The following EYS variants were observed in gnomAD, a reference collection of about 807,000 sequenced individuals.
The protein encoded by EYS is EGF-like photoreceptor maintenance factor, also known as protein eyes shut homolog.
Under a neutral mutation model 282.1 loss-of-function variants are expected in EYS, and 250 were observed. The ratio of observed to expected loss-of-function variants is 0.89; its 90% CI spans 0.80 to 0.98. The LOEUF (loss-of-function observed/expected upper bound fraction) is 0.98, where lower values mean the gene tolerates loss of function less well. Among genes scored for constraint, EYS ranks in the 50% least tolerant of loss-of-function variants. The pLI, the probability that EYS is intolerant of heterozygous loss-of-function variation, is 0.00. For missense variants in EYS, 4,016 were observed against 3,709.0 expected (o/e 1.08, Z -2.15); for synonymous variants, 1,355 against 1,282.9 (o/e 1.06, Z -1.20).
chr6:64,920,612 T>C (rs1198178136), intron 15 of EYS, among the ~76,000 whole-genome samples: 3 of 152,144 alleles, frequency 2.0e-5, no homozygotes. Context: ...TGCTTAAAAA[T>C]GTATGTAAGT....
chr6:64,351,485 A>G (rs1284973485), intron 29 of EYS, among the ~76,000 whole-genome samples: 1 of 151,460 alleles, frequency 6.6e-6, no homozygotes, highest in Non-Finnish European at 1.5e-5. Context: ...TTGTATTTAT[A>G]TCTATCTACA....
chr6:64,928,786 G>T (rs369167411), intron 15 of EYS, among the ~76,000 whole-genome samples: 1 of 151,644 alleles, frequency 6.6e-6, no homozygotes, highest in Non-Finnish European at 1.5e-5. Flanking sequence ...CTGGTATTAT[G>T]GTTCTATGTG....
rs1766384776 is a variant in EYS, at chr6:64,590,884, C to G, written c.4983G>C (p.Leu1661Phe). The G allele has an allele frequency of 1.3e-6, 2 of 1,550,500 alleles. No homozygotes were observed. Among genetic ancestry groups the G allele is most frequent in the Non-Finnish European group, 1.7e-6 (2 of 1,146,608 alleles). ...GGACAATGGATAAACAAGTCTTATCCAAACATAAATTAACATCCAAATTAC... is the reference window on the plus strand; with the variant it reads ...GGACAATGGATAAACAAGTCTTATCGAAACATAAATTAACATCCAAATTAC... ...LSSNLDVNLC[L>F]DKTCLSIVPS... The change falls in exon 26 of 43, where the codon TTG (leucine) becomes TTC (phenylalanine). Residue 1661 changes from leucine (L) to phenylalanine (F), a missense_variant. Coordinates refer to ENST00000503581, the MANE Select transcript of EYS (RefSeq NM_001142800.2).
At chr6:65,464,818 G>T (rs954519666) in intron 5 of EYS, among the ~76,000 whole-genome samples, 1 of 152,120 alleles carries the variant, frequency 6.6e-6, no homozygotes, top group African/African-American at 2.4e-5. Context: ...AAGAACCAAT[G>T]ACTAGGTTGG....
At chr6:64,274,543 C>G (rs972906570) in intron 30 of EYS, among the ~76,000 whole-genome samples, 1 of 129,942 alleles carries the variant, frequency 7.7e-6, no homozygotes, top group Admixed American at 8.7e-5. Flanking sequence ...TTCGAATTTG[C>G]CAAGTATGAT....
At chr6:63,773,794 A>G (rs1373971579) in intron 40 of EYS, among the ~76,000 whole-genome samples, 1 of 152,196 alleles carries the variant, frequency 6.6e-6, no homozygotes, top group African/African-American at 2.4e-5. Flanking sequence ...CAGTCTGAGC[A>G]AAGGATGCTT....
chr6:64,353,869 T>G (rs965032899), intron 29 of EYS, among the ~76,000 whole-genome samples: 1 of 151,584 alleles, frequency 6.6e-6, no homozygotes, highest in Non-Finnish European at 1.5e-5. Flanking sequence ...GTCTAGATTT[T>G]CCAGCCTGAT....
At chr6:64,022,545 G>C (rs1769241016) in intron 33 of EYS, among the ~76,000 whole-genome samples, 1 of 152,154 alleles carries the variant, frequency 6.6e-6, no homozygotes. Context: ...ATCTGTGAAA[G>C]CTGAAAGAAT....
intron 9 of EYS, among the ~76,000 whole-genome samples, chr6:65,347,389 G>T (rs554008671): frequency 2.6e-5 from 4 of 151,336 alleles, no homozygotes; most frequent in East Asian, 3.9e-4. Flanking sequence ...ATATATTCTC[G>T]ATCCTAATCT....
chr6:64,706,819 T>A (rs1361023525), intron 22 of EYS, among the ~76,000 whole-genome samples: 4 of 151,878 alleles, frequency 2.6e-5, no homozygotes, highest in Non-Finnish European at 4.4e-5. Context: ...AAATAATACA[T>A]CTTGGTGGGG....
intron 15 of EYS, among the ~76,000 whole-genome samples, chr6:64,939,666 A>G (rs1769022672): frequency 6.7e-6 from 1 of 149,138 alleles, no homozygotes; most frequent in African/African-American, 2.5e-5. Flanking sequence ...GATGTATTTC[A>G]TACACACACA....
chr6:64,729,554 GA>G (rs1771885531), intron 22 of EYS, among the ~76,000 whole-genome samples: 1 of 152,172 alleles, frequency 6.6e-6, no homozygotes, highest in Non-Finnish European at 1.5e-5. Context: ...TTCACAGCTA[GA>G]AAGCAAGCCT....
chr6:65,679,522 T>A lies in EYS; in HGVS notation c.-448+27613A>T, dbSNP rs555187195. Among the ~76,000 whole-genome samples, 53 of 151,980 alleles carry A rather than the reference T, an allele frequency of 3.5e-4. 1 individual carries two copies. The South Asian group carries it at 0.011, about 31-fold the overall frequency. ...ATAGAAGCAGAAAGTAGAATGTTGG[T>A]TGCCAGAGTCCGAAGAAATGGGGAA... On this transcript the variant is annotated intron_variant, in intron 1 of 42. Transcript: ENST00000503581.
intron 29 of EYS, among the ~76,000 whole-genome samples, chr6:64,335,944 A>T: frequency 6.6e-6 from 1 of 152,116 alleles, no homozygotes; most frequent in East Asian, 1.9e-4. Flanking sequence ...ATTCATCACT[A>T]CCAAGCCACC....
At chr6:64,334,197 A>G (rs1326569371) in intron 29 of EYS, among the ~76,000 whole-genome samples, 2 of 152,110 alleles carry the variant, frequency 1.3e-5, no homozygotes, top group Non-Finnish European at 2.9e-5. Flanking sequence ...CATAGTACCA[A>G]TTAGATGCTC....
At chr6:63,875,934 G>A (rs141230020) in intron 35 of EYS, among the ~76,000 whole-genome samples, 1,646 of 152,044 alleles carry the variant, frequency 0.011, 24 homozygotes, top group African/African-American at 0.038. Context: ...TCCTGGATTC[G>A]TTGATTTTTT....
At chr6:64,485,416 T>G (rs140593939) in intron 26 of EYS, among the ~76,000 whole-genome samples, 1 of 151,774 alleles carries the variant, frequency 6.6e-6, no homozygotes, top group African/African-American at 2.4e-5. Context: ...AAGAGAAGTT[T>G]CCATAGGCAG....
At chr6:65,271,341 C>A (rs1030509277) in intron 12 of EYS, among the ~76,000 whole-genome samples, 2 of 150,856 alleles carry the variant, frequency 1.3e-5, no homozygotes, top group African/African-American at 4.9e-5. Flanking sequence ...GGCAAAAGAT[C>A]GATGTCTCAG....
chr6:65,397,464 G>A lies in EYS; in HGVS notation c.1184+5014C>T, dbSNP rs996115007. Among the ~76,000 whole-genome samples the A allele has an allele frequency of 4.6e-5, 7 of 151,980 alleles. No individual in the cohort carries two copies. In the East Asian group the frequency reaches 1.4e-3, roughly 29 times the overall value. ...TCTAGTTTCCACTTATAAGTGAAAA[G>A]ATTAGGTTTTTTACTTTCTGGTTCC... On this transcript the variant is annotated intron_variant, in intron 7 of 42. Transcript: ENST00000503581.
Sources: allele counts gnomAD v4.1 joint callset (sites outside exome capture counted in the v4.1 genomes callset), GRCh38; gene constraint gnomAD v4.1.1; transcripts MANE v1.5; gene names NCBI Gene and HGNC (gene_info 2026-07-23, HGNC 2026-07-21).